Variants in VPS13B observed in about 807,000 individuals in gnomAD.
VPS13B encodes the protein intermembrane lipid transfer protein VPS13B.
Under a neutral mutation model 426.4 loss-of-function variants are expected in VPS13B, and 285 were observed. The ratio of observed to expected loss-of-function variants is 0.67; its 90% CI spans 0.61 to 0.74. The LOEUF (loss-of-function observed/expected upper bound fraction) is 0.74, where lower values mean the gene tolerates loss of function less well. Ranked by LOEUF, VPS13B falls within the 30% of genes least tolerant of loss-of-function variation. The pLI is 0.00. For synonymous variants in VPS13B, 1,676 were observed against 1,676.4 expected, an observed-to-expected ratio of 1.00 and a Z score of 0.01; for missense variants, 4,537 against 4,782.6, an observed-to-expected ratio of 0.95 and a Z score of 1.51.
At chr8:99,524,506 A>G (rs978875010) in intron 30 of VPS13B, among the ~76,000 whole-genome samples, 68 of 152,270 alleles carry the variant, frequency 4.5e-4, no homozygotes, top group African/African-American at 1.3e-3. Flanking sequence ...ATAACATACA[A>G]TGGAGCCAGG....
At chr8:99,546,135 C>A (rs1005252374) in intron 30 of VPS13B, among the ~76,000 whole-genome samples, 1 of 151,910 alleles carries the variant, frequency 6.6e-6, no homozygotes, top group Non-Finnish European at 1.5e-5. Flanking sequence ...CCTATTCTTT[C>A]TTCTTGACCG....
chr8:99,354,645 G>C (rs1346734930), intron 19 of VPS13B, among the ~76,000 whole-genome samples: 2 of 151,966 alleles, frequency 1.3e-5, no homozygotes, highest in Non-Finnish European at 2.9e-5. Flanking sequence ...TTTTTTAGCT[G>C]CCTCTATTCA....
chr8:99,740,924 A>C (rs1405236005), intron 39 of VPS13B, among the ~76,000 whole-genome samples: 2 of 152,198 alleles, frequency 1.3e-5, no homozygotes, highest in Non-Finnish European at 2.9e-5. Context: ...ACTAACAAGC[A>C]AAATAACCAG....
At chr8:99,121,107 G>T in intron 7 of VPS13B, 70 bp from the exon 8 acceptor site, 1 of 1,470,332 alleles carries the variant, frequency 6.8e-7, no homozygotes, top group East Asian at 2.4e-5. Flanking sequence ...AAATTTTAAA[G>T]GATGTCTATT....
intron 19 of VPS13B, among the ~76,000 whole-genome samples, chr8:99,282,908 A>G (rs187811200): frequency 1.3e-5 from 2 of 152,286 alleles, no homozygotes; most frequent in Non-Finnish European, 1.5e-5. Context: ...GCACATGGGA[A>G]ACTTTTGGTC....
chr8:99,629,455 A>G (rs1173990491), intron 33 of VPS13B, among the ~76,000 whole-genome samples: 1 of 152,214 alleles, frequency 6.6e-6, no homozygotes, highest in Non-Finnish European at 1.5e-5. Flanking sequence ...AGAAAATTGC[A>G]GTATATATAC....
intron 30 of VPS13B, among the ~76,000 whole-genome samples, chr8:99,526,590 T>C (rs1588463616): frequency 6.6e-6 from 1 of 152,098 alleles, no homozygotes; most frequent in African/African-American, 2.4e-5. Context: ...CAGTTATATA[T>C]GGCCTAAACA....
At chr8:99,843,511 T>C (rs1208670086) in intron 54 of VPS13B, among the ~76,000 whole-genome samples, 1 of 152,230 alleles carries the variant, frequency 6.6e-6, no homozygotes, top group Non-Finnish European at 1.5e-5. Context: ...CCCTTTGATC[T>C]GGAGACCTAT....
chr8:99,747,520 A>C (rs1015746537), intron 39 of VPS13B, among the ~76,000 whole-genome samples: 1 of 152,074 alleles, frequency 6.6e-6, no homozygotes, highest in African/African-American at 2.4e-5. Context: ...TATATTTTTC[A>C]TTCAGAAGTA....
Position 99,074,432 on chromosome 8 carries a change from C to T in VPS13B, c.292-21880C>T, listed in dbSNP as rs74683405. Reference sequence around the variant, plus strand: ...CCTGATTAGGAGAATGGCGTGAAACCGGGAGGCAGAGCTTGCAGTGAGCCG... The same window carrying T: ...CCTGATTAGGAGAATGGCGTGAAACTGGGAGGCAGAGCTTGCAGTGAGCCG... On this transcript the variant is annotated intron_variant, in intron 3 of 61. Transcript: ENST00000357162. 4.1e-3 allele frequency among the ~76,000 whole-genome samples: 620 copies of T among 150,130 alleles called. 3 individuals carry two copies. Among genetic ancestry groups the T allele is most frequent in the African/African-American group, 0.014 (569 of 40,866 alleles).
intron 21 of VPS13B, among the ~76,000 whole-genome samples, chr8:99,394,446 C>T (rs993059739): frequency 8.5e-5 from 13 of 152,052 alleles, no homozygotes; most frequent in Non-Finnish European, 1.8e-4. Flanking sequence ...CTTGATGGCT[C>T]GGAATGTGTT....
intron 17 of VPS13B, chr8:99,233,986 A>G (rs534483751): frequency 1.8e-5 from 14 of 777,540 alleles, no homozygotes; most frequent in Admixed American, 1.7e-4. Flanking sequence ...GGGTCTGCTC[A>G]GTGATGTTCA....
chr8:99,760,385 A>C (rs1295219752), intron 39 of VPS13B, among the ~76,000 whole-genome samples: 7 of 152,226 alleles, frequency 4.6e-5, no homozygotes, highest in African/African-American at 1.7e-4. Context: ...AAATAAAGTC[A>C]AAAATCCTTA....
chr8:99,862,007 C>T, intron 58 of VPS13B, 61 bp downstream of exon 58: 1 of 1,515,072 alleles, frequency 6.6e-7, no homozygotes, highest in Non-Finnish European at 8.8e-7. Context: ...GCAGGGTCTC[C>T]CAGGACTGGG....
intron 19 of VPS13B, among the ~76,000 whole-genome samples, chr8:99,380,690 C>T (rs1226637119): frequency 3.3e-5 from 5 of 150,042 alleles, no homozygotes; most frequent in South Asian, 2.1e-4. Flanking sequence ...TCTCCTTCAT[C>T]CTTTTATCTG....
intron 21 of VPS13B, among the ~76,000 whole-genome samples, chr8:99,404,728 G>C (rs1006878971): frequency 2.6e-5 from 4 of 152,168 alleles, no homozygotes; most frequent in African/African-American, 7.2e-5. Context: ...GGAAGGTATA[G>C]TATATAAACC....
chr8:99,839,803 T>C (rs142057341), intron 54 of VPS13B, among the ~76,000 whole-genome samples: 45 of 152,372 alleles, frequency 3.0e-4, no homozygotes, highest in African/African-American at 1.0e-3. Context: ...GCTCCCAGTG[T>C]AATAGTCATT....
Position 99,859,611 on chromosome 8 carries a change from A to T in VPS13B, c.11044+131A>T, listed in dbSNP as rs1816728256. The T allele has an allele frequency of 1.1e-5, 14 of 1,228,630 alleles. No homozygotes were observed. In the South Asian group the frequency reaches 1.9e-4, roughly 16 times the overall value. 76.1% of individuals were successfully genotyped at this position (1,228,630 alleles called of 1,614,324 possible). The stretch of plus-strand genomic sequence containing the variant: ...GTTTGGCCTTTTAGCTTGCAGTGAG[A>T]GTTTGGGTTTGTAACAAAGCTCATA... On this transcript the variant is annotated intron_variant, in intron 57 of 61. Coordinates refer to ENST00000357162, the MANE Select transcript of VPS13B (RefSeq NM_152564.5).
chr8:99,117,708 A>G (rs577275114), intron 7 of VPS13B, among the ~76,000 whole-genome samples: 2 of 152,332 alleles, frequency 1.3e-5, no homozygotes, highest in Admixed American at 1.3e-4. Flanking sequence ...AATACATATG[A>G]TATGATTCCA....
Sources: gnomAD v4.1 joint callset for allele counts (sites outside exome capture counted in the v4.1 genomes callset) on GRCh38, gnomAD v4.1.1 for gene constraint, MANE v1.5 for transcripts, NCBI Gene and HGNC (gene_info 2026-07-23, HGNC 2026-07-21) for gene names.